The following ABL1 variants were observed in gnomAD, a reference collection of about 807,000 sequenced individuals.
ABL1 encodes tyrosine-protein kinase ABL1.
A neutral mutation model predicts 94.7 loss-of-function variants in ABL1; 11 were observed. That is an observed-to-expected ratio of 0.12 (90% confidence interval 0.07 to 0.19). The LOEUF is 0.19. Among genes scored for constraint, ABL1 ranks in the 10% least tolerant of loss-of-function variants. ABL1 has a pLI of 1.00. For missense variants in ABL1, 1,082 were observed against 1,489.4 expected (o/e 0.73, Z 4.50); for synonymous variants, 656 against 622.4 (o/e 1.05, Z -0.80).
intron 3 of ABL1, among the ~76,000 whole-genome samples, chr9:130,856,736 A>G (rs1006062644): frequency 6.6e-6 from 1 of 152,164 alleles, no homozygotes; most frequent in African/African-American, 2.4e-5. Context: ...CAAATGATAC[A>G]TGCACGCGAA....
intron 1 of ABL1, among the ~76,000 whole-genome samples, chr9:130,841,169 C>T (rs895020847): frequency 6.7e-6 from 1 of 150,354 alleles, no homozygotes; most frequent in East Asian, 2.0e-4. Context: ...TTTTTTGAGA[C>T]AAGAGTCTCA....
At chr9:130,719,794 C>T (rs750866319) in intron 1 of ABL1, among the ~76,000 whole-genome samples, 8 of 152,178 alleles carry the variant, frequency 5.3e-5, no homozygotes, top group Admixed American at 2.6e-4. Context: ...CAGAAATGTA[C>T]GGTGTTGGAG....
intron 1 of ABL1, among the ~76,000 whole-genome samples, chr9:130,816,890 G>A (rs1246218389): frequency 6.6e-6 from 1 of 152,200 alleles, no homozygotes; most frequent in Non-Finnish European, 1.5e-5. Flanking sequence ...TTTTAGTAGA[G>A]GCAGGGTTTC....
rs1031722460 is a variant in ABL1, at chr9:130,835,622, C to A, written c.79+97C>A. The A allele has an allele frequency of 8.8e-6, 8 of 914,044 alleles. No individual in the cohort carries two copies. Among genetic ancestry groups the A allele is most frequent in the Non-Finnish European group, 1.4e-5 (8 of 586,574 alleles). 56.6% of individuals were successfully genotyped at this position (914,044 alleles called of 1,614,324 possible). On this transcript the variant is annotated intron_variant, in intron 1 of 10. Coordinates refer to ENST00000318560, the MANE Select transcript of ABL1 (RefSeq NM_005157.6). This position sits in a 1 kb window ranked among gnomAD's most constrained non-coding sequence, Gnocchi z 4.6. ...CTCGCCGCCCGCGCGCTCCCGCCTG[C>A]GCCCTCCCCGGGTCTTGTCTTTTTT...
intron 1 of ABL1, among the ~76,000 whole-genome samples, chr9:130,808,897 C>T (rs1207205552): frequency 6.6e-6 from 1 of 152,182 alleles, no homozygotes; most frequent in Non-Finnish European, 1.5e-5. Context: ...ATGTCAAACT[C>T]TGAAGTTATT....
Position 130,814,319 on chromosome 9 carries a change from G to C in ABL1, c.137-39745G>C, listed in dbSNP as rs80122987. Among the ~76,000 whole-genome samples, 1 of 151,576 alleles carries C rather than the reference G, an allele frequency of 6.6e-6. No individual in the cohort carries two copies. Among genetic ancestry groups the C allele is most frequent in the Non-Finnish European group, 1.5e-5 (1 of 67,900 alleles). Reference sequence around the variant, plus strand: ...AAGAAAGAAAGAAAGAAAAAGAAAAGGCCAGTCTGGAAATCAATGAAACAG... The same window carrying C: ...AAGAAAGAAAGAAAGAAAAAGAAAACGCCAGTCTGGAAATCAATGAAACAG... On this transcript the variant is annotated intron_variant, in intron 1 of 10. Coordinates refer to the ABL1 transcript ENST00000372348. This position sits in a 1 kb window ranked among gnomAD's most constrained non-coding sequence, Gnocchi z 4.4.
intron 1 of ABL1, among the ~76,000 whole-genome samples, chr9:130,750,102 GC>G (rs1348338473): frequency 6.7e-6 from 1 of 150,008 alleles, no homozygotes; most frequent in Non-Finnish European, 1.5e-5. Flanking sequence ...GATCACTTCA[GC>G]CCAGGAGGTT....
rs1188158419 is a variant in ABL1 at position 130,887,256 on chromosome 9, A to G, written c.*1573A>G. 4.3e-6 allele frequency: 1 copy of G among 232,742 alleles called. No individual in the cohort carries two copies. The highest frequency in any genetic ancestry group is 8.5e-6 in the Non-Finnish European group (1 of 117,836). The allele number at this position is 232,742 out of a possible 1,614,324, so 14.4% of individuals were successfully genotyped here. A position where few individuals can be genotyped will look rare whatever the true frequency, so the allele number is the denominator to read the frequency against. The stretch of plus-strand genomic sequence containing the variant: ...CTTGTACTTTATTTTTCTGATAGAA[A>G]TGGTTTCCTCTGGATCGTTTTATGC... On this transcript the variant is annotated 3_prime_UTR_variant, in exon 11 of 11. Transcript: ENST00000318560.
intron 1 of ABL1, among the ~76,000 whole-genome samples, chr9:130,787,108 C>T (rs1048995016): frequency 2.0e-5 from 3 of 152,124 alleles, no homozygotes; most frequent in Middle Eastern, 3.2e-3. Flanking sequence ...CTTTTGATCA[C>T]GCTTGCATAA....
rs1357728600 is a variant in ABL1, at chr9:130,885,275, C to T, written c.2985C>T (p.Asp995=). The T allele has an allele frequency of 2.5e-6, 4 of 1,613,780 alleles. 1 individual carries two copies. The Admixed American group carries it at 5.0e-5, about 20-fold the overall frequency. ...LPSASSALAG[D]QPSSTAFIPL... ...CAGCATCCTCGGCCCTGGCAGGGGA[C>T]CAGCCGTCTTCCACCGCCTTCATCC... The change falls in exon 11 of 11, where the codon GAC becomes GAT. Residue 995 remains aspartate (D), a synonymous_variant. Coordinates refer to ENST00000318560, the MANE Select transcript of ABL1 (RefSeq NM_005157.6).
chr9:130,851,020 T>G (rs1830850407), intron 1 of ABL1, among the ~76,000 whole-genome samples: 1 of 151,828 alleles, frequency 6.6e-6, no homozygotes, highest in Non-Finnish European at 1.5e-5. Context: ...GCCTCCCGGG[T>G]TCACGCCATT....
chr9:130,869,785 G>A (rs768092386), intron 4 of ABL1, among the ~76,000 whole-genome samples: 1 of 152,154 alleles, frequency 6.6e-6, no homozygotes, highest in Non-Finnish European at 1.5e-5. Context: ...GATATTTCCA[G>A]TTTAACACAA....
intron 3 of ABL1, among the ~76,000 whole-genome samples, chr9:130,857,393 C>T (rs1830991574): frequency 6.6e-6 from 1 of 152,210 alleles, no homozygotes; most frequent in African/African-American, 2.4e-5. Context: ...TAAAGAATGG[C>T]ATCTCATTAT....
rs1207123856 is a variant in ABL1, at chr9:130,863,008, C to T, written c.795C>T (p.Ser265=). The change falls in exon 4 of 11, where the codon AGC becomes AGT. Residue 265 remains serine, a synonymous_variant. Transcript: ENST00000318560. The surrounding 1 kb of genome is among the most constrained non-coding windows in gnomAD (Gnocchi z 4.3). The stretch of plus-strand genomic sequence containing the variant: ...ACGAGGGCGTGTGGAAGAAATACAG[C>T]CTGACGGTGGCCGTGAAGACCTTGA... The part of the protein sequence containing the change: ...EVYEGVWKKY[S]LTVAVKTLKE... 6 of 1,610,094 alleles carry T rather than the reference C, an allele frequency of 3.7e-6. No individual in the cohort carries two copies. In the Admixed American group the frequency reaches 1.0e-4, roughly 27 times the overall value.
At chr9:130,868,514 CTTTTTCTTTTTTTTT>C (rs1224818213) in intron 4 of ABL1, among the ~76,000 whole-genome samples, 2 of 129,632 alleles carry the variant, frequency 1.5e-5, no homozygotes, top group Non-Finnish European at 3.2e-5. Flanking sequence ...TTTCTTTTTT[CTTTTTCTTTTTTTTT>C]TTTTTTTTTT....
chr9:130,719,834 G>A (rs769128074), intron 1 of ABL1, among the ~76,000 whole-genome samples: 22 of 152,332 alleles, frequency 1.4e-4, no homozygotes, highest in South Asian at 6.2e-4. Context: ...CAAGAATAGC[G>A]TTGGTGTTGT....
At chr9:130,824,413 G>T (rs1469837855) in intron 1 of ABL1, among the ~76,000 whole-genome samples, 2 of 152,174 alleles carry the variant, frequency 1.3e-5, no homozygotes, top group Non-Finnish European at 2.9e-5. Flanking sequence ...CCAAAGTGGG[G>T]AGGGCCATCT....
At chr9:130,780,678 AG>A (rs1327842821) in intron 1 of ABL1, among the ~76,000 whole-genome samples, 1 of 152,134 alleles carries the variant, frequency 6.6e-6, no homozygotes, top group Non-Finnish European at 1.5e-5. Context: ...AGTTGAGAGG[AG>A]GGAGCTCCAG....
upstream of ABL1, among the ~76,000 whole-genome samples, chr9:130,833,672 A>C (rs535712094): frequency 2.6e-5 from 4 of 152,324 alleles, no homozygotes; most frequent in East Asian, 7.7e-4. Flanking sequence ...TACATGTTGT[A>C]TGTTGATCAG....
Sources: allele counts gnomAD v4.1 joint callset (sites outside exome capture counted in the v4.1 genomes callset), GRCh38; gene constraint gnomAD v4.1.1; non-coding constraint Gnocchi (gnomAD v3.1); transcripts MANE v1.5; gene names NCBI Gene and HGNC (gene_info 2026-07-23, HGNC 2026-07-21).